The following SF3A3 variants were observed in gnomAD, a reference collection of about 807,000 sequenced individuals.
The protein encoded by SF3A3 is splicing factor 3a subunit 3, also known as SAP 61.
Under a neutral mutation model 85.8 loss-of-function variants are expected in SF3A3, and 9 were observed. That is an observed-to-expected ratio of 0.10 (90% CI 0.06 to 0.18). The LOEUF is 0.18. Ranked by LOEUF, SF3A3 falls within the 10% of genes least tolerant of loss-of-function variation. The pLI is 1.00. For missense variants in SF3A3, 306 were observed against 593.3 expected (o/e 0.52, Z 5.03); for synonymous variants, 195 against 204.4 (o/e 0.95, Z 0.39).
In SF3A3 at chr1:37,968,277, G is replaced by C. The variant is rs1352989543; in HGVS notation, c.1282-143C>G. On this transcript the variant is annotated intron_variant, in intron 14 of 16. Transcript: ENST00000373019. ...AGCATTCCTTTTGTGATTCATGTTTGTAAACAGCTGGCTGTGACTGACAAA... is the reference window on the plus strand; with the variant it reads ...AGCATTCCTTTTGTGATTCATGTTTCTAAACAGCTGGCTGTGACTGACAAA... The C allele has an allele frequency of 4.6e-6, 3 of 646,978 alleles. No homozygotes were observed. The South Asian group carries it at 5.3e-5, about 11-fold the overall frequency. The allele number at this position is 646,978 out of a possible 1,614,324, so 40.1% of individuals were successfully genotyped here.
intron 12 of SF3A3, 143 bp from the exon 13 acceptor site, chr1:37,969,878 C>T: frequency 1.2e-6 from 1 of 817,018 alleles, no homozygotes; most frequent in Non-Finnish European, 1.9e-6. Flanking sequence ...ATCTTGCCTT[C>T]ATATCAGAAC....
chr1:37,980,757 A>G, intron 7 of SF3A3, 33 bp from the exon 8 acceptor site: 1 of 1,558,116 alleles, frequency 6.4e-7, no homozygotes, highest in Admixed American at 1.8e-5. Context: ...GACAAAGCAA[A>G]AAGGGTTTCT....
chr1:37,967,248 G>A (rs1426729095), intron 15 of SF3A3, among the ~76,000 whole-genome samples: 1 of 137,868 alleles, frequency 7.3e-6, no homozygotes, highest in Non-Finnish European at 1.6e-5. Context: ...AGTGAGACTC[G>A]TCTCAGAAAC....
rs543656408 is a variant in SF3A3 at position 37,975,920 on chromosome 1, G to C, written c.1005+964C>G. 1.2e-3 allele frequency among the ~76,000 whole-genome samples: 181 copies of C among 152,326 alleles called. 2 individuals carry two copies. The highest frequency in any genetic ancestry group is 6.5e-4 in the Non-Finnish European group (44 of 68,028). On this transcript the variant is annotated intron_variant, in intron 12 of 16. Coordinates refer to ENST00000373019, the MANE Select transcript of SF3A3 (RefSeq NM_006802.4). ...GCCTGTAATCCCAGCACTTTGGGAG[G>C]CCGAGGCAAGCGGATCACGAGGTCA...
Position 37,986,862 on chromosome 1 carries a change from A to T in SF3A3, c.303+711T>A, listed in dbSNP as rs1290805874. On this transcript the variant is annotated intron_variant, in intron 4 of 16. Transcript: ENST00000373019. ...GAGTTAGGAACACAATTTATTGGGG[A>T]GAGTAATTTCTGTGAAAGATAAAAA... Among the ~76,000 whole-genome samples, 3 of 144,400 alleles carry T rather than the reference A, an allele frequency of 2.1e-5. No individual in the cohort carries two copies. The Admixed American group carries it at 2.1e-4, about 10-fold the overall frequency. 94.7% of individuals were successfully genotyped at this position (144,400 alleles called of 152,430 possible). A position where few individuals can be genotyped will look rare whatever the true frequency, so the allele number is the denominator to read the frequency against.
chr1:37,976,751 AT>A lies in SF3A3; in HGVS notation c.1005+132del. 3 of 670,612 alleles carry A rather than the reference AT, an allele frequency of 4.5e-6. No homozygotes were observed. In the South Asian group the frequency reaches 5.3e-5, roughly 12 times the overall value. The allele number at this position is 670,612 out of a possible 1,614,324, so 41.5% of individuals were successfully genotyped here. Reference sequence around the variant, plus strand: ...TGAAGAGCCTTGTACCCTGACCTCTATTTTGTGCCATACTAGTTTATCAGCT... The same window carrying A: ...TGAAGAGCCTTGTACCCTGACCTCTATTTGTGCCATACTAGTTTATCAGCT... On this transcript the variant is annotated intron_variant, in intron 12 of 16. Transcript: ENST00000373019.
chr1:37,986,707 G>A (rs942763160), intron 4 of SF3A3, among the ~76,000 whole-genome samples: 1 of 150,830 alleles, frequency 6.6e-6, no homozygotes, highest in South Asian at 2.1e-4. Flanking sequence ...AGCTACTCAG[G>A]AGGCTGAGGA....
At chr1:37,981,903 G>T in intron 6 of SF3A3, 92 bp from the exon 7 acceptor site, 1 of 770,198 alleles carries the variant, frequency 1.3e-6, no homozygotes, top group Non-Finnish European at 2.1e-6. Context: ...GATCAAAATT[G>T]AGTGTTTTCT....
intron 4 of SF3A3, 100 bp downstream of exon 4, chr1:37,987,473 T>C: frequency 1.2e-6 from 1 of 843,542 alleles, no homozygotes; most frequent in Non-Finnish European, 2.0e-6. Context: ...AAGTTCTTTC[T>C]TGAAGTGCAT....
chr1:37,985,587 TTTTTG>T (rs1180111775), intron 4 of SF3A3, among the ~76,000 whole-genome samples: 2 of 152,212 alleles, frequency 1.3e-5, no homozygotes, highest in Non-Finnish European at 2.9e-5. Flanking sequence ...TAGGTTTTTG[TTTTTG>T]TTTTTTTAAC....
At chr1:37,970,530 C>T (rs1646331629) in intron 12 of SF3A3, among the ~76,000 whole-genome samples, 1 of 142,294 alleles carries the variant, frequency 7.0e-6, no homozygotes, top group South Asian at 2.3e-4. Flanking sequence ...ACAGAACTCT[C>T]CACCCCAAAT....
rs1345436802 is a variant in SF3A3, at chr1:37,957,315, C to T, written c.*871G>A. The T allele has an allele frequency of 6.6e-5, 10 of 151,594 alleles. No homozygotes were observed. Among genetic ancestry groups the T allele is most frequent in the Non-Finnish European group, 1.5e-4 (10 of 67,968 alleles). 9.4% of individuals were successfully genotyped at this position (151,594 alleles called of 1,614,324 possible). Reference sequence around the variant, plus strand: ...TTCTGACCTAGCAAGCTGGTGAAGTCACTGTCGGTCCTAGTTCCCTTGTTT... The same window carrying T: ...TTCTGACCTAGCAAGCTGGTGAAGTTACTGTCGGTCCTAGTTCCCTTGTTT... On this transcript the variant is annotated 3_prime_UTR_variant, in exon 17 of 17. Coordinates refer to ENST00000373019, the MANE Select transcript of SF3A3 (RefSeq NM_006802.4).
At chr1:37,965,829 G>C (rs1254061065) in intron 15 of SF3A3, among the ~76,000 whole-genome samples, 1 of 148,674 alleles carries the variant, frequency 6.7e-6, no homozygotes, top group Non-Finnish European at 1.5e-5. Context: ...ACAGTGGGGG[G>C]TGGGATGGGG....
chr1:37,970,304 C>CAAA (rs35452372), intron 12 of SF3A3, among the ~76,000 whole-genome samples: 2 of 103,462 alleles, frequency 1.9e-5, no homozygotes, highest in Admixed American at 1.1e-4. Context: ...GACTCCTTCT[C>CAAA]AAAAAAAAAA....
At chr1:37,962,112 CAAACAAA>C in intron 15 of SF3A3, among the ~76,000 whole-genome samples, 1 of 110,664 alleles carries the variant, frequency 9.0e-6, no homozygotes, top group Non-Finnish European at 1.9e-5. Flanking sequence ...CAAAACAAAA[CAAACAAA>C]AAAAAACATT....
rs1557756603 is a variant in SF3A3, at chr1:37,987,729, T to C, written c.198-51A>G. On this transcript the variant is annotated intron_variant, in intron 3 of 16. Transcript: ENST00000373019. ...AAGATAGAGCACAAAGTCAGTCCTC[T>C]AACCATGGCTCCTCAGAAGCACTAA... 1.9e-6 allele frequency: 3 copies of C among 1,603,652 alleles called. No homozygotes were observed. The South Asian group carries it at 3.3e-5, about 18-fold the overall frequency.
At chr1:37,965,019 G>A (rs1410024651) in intron 15 of SF3A3, among the ~76,000 whole-genome samples, 4 of 152,034 alleles carry the variant, frequency 2.6e-5, no homozygotes, top group Non-Finnish European at 5.9e-5. Context: ...ATTGCTGGGC[G>A]TAGTGGTGCA....
Position 37,979,068 on chromosome 1 carries a change from G to A in SF3A3, c.760-13C>T, listed in dbSNP as rs772560601. 3 of 1,610,004 alleles carry A rather than the reference G, an allele frequency of 1.9e-6. No homozygotes were observed. The highest frequency in any genetic ancestry group is 2.2e-5 in the South Asian group (2 of 90,992). On this transcript the variant is annotated splice_polypyrimidine_tract_variant and intron_variant, in intron 9 of 16. Transcript: ENST00000373019. ...GAGAAGCCAACTCCTATACAAAGAA[G>A]AGAAAAATTACAATATTACATTAAC... is the stretch of plus-strand genomic sequence containing the variant.
chr1:37,985,374 T>C (rs966241867), intron 4 of SF3A3, among the ~76,000 whole-genome samples: 3 of 151,956 alleles, frequency 2.0e-5, no homozygotes, highest in African/African-American at 7.3e-5. Flanking sequence ...ATGCCAGTGG[T>C]TCCCAAACTT....
Sources: gnomAD v4.1 joint callset for allele counts (sites outside exome capture counted in the v4.1 genomes callset) on GRCh38, gnomAD v4.1.1 for gene constraint, MANE v1.5 for transcripts, NCBI Gene and HGNC (gene_info 2026-07-23, HGNC 2026-07-21) for gene names.